Variants in BLTP3A observed in about 807,000 individuals in gnomAD.
The protein encoded by BLTP3A is bridge-like lipid transfer protein family member 3A.
the BLTP3A span, among the ~76,000 whole-genome samples, chr6:34,847,921 C>CTTTCTTTTTTTTTTTTTTTTTTTTTTT: frequency 1.6e-4 from 15 of 91,140 alleles, 1 homozygote; most frequent in African/African-American, 2.1e-4. Flanking sequence ...TCTTTTTTTC[C>CTTTCTTTTTTTTTTTTTTTTTTTTTTT]TTTTTTTTTT....
At chr6:34,843,239 C>T in the BLTP3A span, among the ~76,000 whole-genome samples, 1 of 152,128 alleles carries the variant, frequency 6.6e-6, no homozygotes, top group Admixed American at 6.6e-5. Flanking sequence ...CTGCCTTGGC[C>T]TCCCAAAATG....
At chr6:34,830,036 A>G in the BLTP3A span, among the ~76,000 whole-genome samples, 1 of 150,862 alleles carries the variant, frequency 6.6e-6, no homozygotes, top group Non-Finnish European at 1.5e-5. Context: ...GCTGGTCTTG[A>G]ACTCCTGACC....
At chr6:34,812,377 A>G in the BLTP3A span, among the ~76,000 whole-genome samples, 43 of 151,616 alleles carry the variant, frequency 2.8e-4, no homozygotes, top group African/African-American at 1.0e-3. Context: ...ATTGCACCTT[A>G]AATAACACAA....
At chr6:34,865,184 C>T in the BLTP3A span, among the ~76,000 whole-genome samples, 1 of 152,192 alleles carries the variant, frequency 6.6e-6, no homozygotes, top group African/African-American at 2.4e-5. Flanking sequence ...AACATTTCCT[C>T]CTAACCCCTC....
At chr6:34,872,514 G>A in the BLTP3A span, 23 of 1,507,006 alleles carry the variant, frequency 1.5e-5, no homozygotes, top group African/African-American at 2.8e-4. Flanking sequence ...AGAGGGCACT[G>A]TCCAGTGCTG....
chr6:34,793,949 G>C, the BLTP3A span, among the ~76,000 whole-genome samples: 21 of 150,096 alleles, frequency 1.4e-4, no homozygotes, highest in Admixed American at 8.6e-4. Context: ...GAATGAATAA[G>C]ACCTACTGTT....
the BLTP3A span, among the ~76,000 whole-genome samples, chr6:34,823,674 C>T: frequency 2.0e-5 from 3 of 151,334 alleles, no homozygotes; most frequent in Non-Finnish European, 2.9e-5. Flanking sequence ...TCCCAAGTAG[C>T]TGGGACCACA....
the BLTP3A span, chr6:34,855,793 G>A: frequency 1.9e-6 from 3 of 1,584,184 alleles, no homozygotes; most frequent in Admixed American, 1.7e-5. Context: ...CTTAACAGGA[G>A]GTTGCCAGAG....
the BLTP3A span, among the ~76,000 whole-genome samples, chr6:34,818,003 G>A: frequency 2.0e-5 from 3 of 152,036 alleles, no homozygotes; most frequent in African/African-American, 4.8e-5. Flanking sequence ...ACAGTCATGC[G>A]CCACCACGAC....
chr6:34,800,890 G>C, the BLTP3A span, among the ~76,000 whole-genome samples: 12 of 151,876 alleles, frequency 7.9e-5, no homozygotes, highest in South Asian at 4.2e-4. Flanking sequence ...ACCGTGCCTG[G>C]CTAATTTTTT....
the BLTP3A span, among the ~76,000 whole-genome samples, chr6:34,809,864 T>C: frequency 6.6e-6 from 1 of 152,136 alleles, no homozygotes; most frequent in African/African-American, 2.4e-5. Context: ...CCTAAAAACT[T>C]ACTACTAATA....
the BLTP3A span, chr6:34,870,950 C>A: frequency 1.2e-6 from 2 of 1,613,952 alleles, no homozygotes; most frequent in Non-Finnish European, 1.7e-6. Context: ...GCTGTTCATT[C>A]CCCCCTGGCC....
the BLTP3A span, among the ~76,000 whole-genome samples, chr6:34,854,886 G>A: frequency 2.0e-5 from 3 of 152,162 alleles, no homozygotes; most frequent in African/African-American, 7.2e-5. Context: ...TGAATAGGGT[G>A]ACCCAGACAA....
chr6:34,857,847 T>G, the BLTP3A span: 1 of 1,614,156 alleles, frequency 6.2e-7, no homozygotes, highest in Non-Finnish European at 8.5e-7. Context: ...TTCAAAGCTA[T>G]CTACAAGCTG....
At chr6:34,830,005 G>C in the BLTP3A span, among the ~76,000 whole-genome samples, 1 of 151,926 alleles carries the variant, frequency 6.6e-6, no homozygotes, top group African/African-American at 2.4e-5. Flanking sequence ...AGTAGAGACT[G>C]GGTTTCACTG....
the BLTP3A span, among the ~76,000 whole-genome samples, chr6:34,820,290 T>C: frequency 4.6e-5 from 7 of 152,178 alleles, no homozygotes; most frequent in African/African-American, 1.4e-4. Context: ...AATTCTTTTC[T>C]GTGTGGGGGT....
the BLTP3A span, among the ~76,000 whole-genome samples, chr6:34,814,352 T>C: frequency 7.2e-5 from 11 of 152,204 alleles, no homozygotes; most frequent in African/African-American, 2.7e-4. Context: ...TTGTTATTGC[T>C]CTAAAATGCA....
At chr6:34,816,965 A>G in the BLTP3A span, among the ~76,000 whole-genome samples, 2 of 152,224 alleles carry the variant, frequency 1.3e-5, no homozygotes, top group Non-Finnish European at 2.9e-5. Context: ...TTGCTAGGAC[A>G]GTAGAAGGAA....
the BLTP3A span, among the ~76,000 whole-genome samples, chr6:34,828,489 A>G: frequency 2.0e-5 from 3 of 151,190 alleles, no homozygotes; most frequent in East Asian, 3.9e-4. Flanking sequence ...ATATATATAT[A>G]TATATCCTAG....
Sources: gnomAD v4.1 joint callset for allele counts (sites outside exome capture counted in the v4.1 genomes callset) on GRCh38, gnomAD v4.1.1 for gene constraint, MANE v1.5 for transcripts, NCBI Gene and HGNC (gene_info 2026-07-23, HGNC 2026-07-21) for gene names.